The following RMP24 variants were observed in gnomAD, a reference collection of about 807,000 sequenced individuals.
RMP24 encodes ribonuclease MRP protein subunit p24.
At chr18:35,978,519 G>A in the RMP24 span, among the ~76,000 whole-genome samples, 1 of 152,216 alleles carries the variant, frequency 6.6e-6, no homozygotes, top group Non-Finnish European at 1.5e-5. Flanking sequence ...GCTGAGGCGG[G>A]AGAACTGCTT....
At chr18:35,978,429 G>A in the RMP24 span, among the ~76,000 whole-genome samples, 6 of 152,120 alleles carry the variant, frequency 3.9e-5, no homozygotes, top group African/African-American at 1.4e-4. Context: ...TGTGCAACAC[G>A]GTGAAATCCC....
At chr18:35,973,039 T>C in the RMP24 span, 1 of 1,251,134 alleles carries the variant, frequency 8.0e-7, no homozygotes, top group Non-Finnish European at 1.1e-6. Flanking sequence ...CCCGCATGTG[T>C]CTCGGTTTCG....
the RMP24 span, among the ~76,000 whole-genome samples, chr18:35,978,570 C>G: frequency 1.3e-5 from 2 of 152,110 alleles, no homozygotes; most frequent in African/African-American, 4.8e-5. Context: ...GAGATGGCGC[C>G]ACTGCACTCC....
the RMP24 span, chr18:35,974,817 C>A: frequency 7.8e-7 from 1 of 1,289,584 alleles, no homozygotes; most frequent in Non-Finnish European, 1.1e-6. Flanking sequence ...TTTCAATATA[C>A]TTTTTATAAA....
chr18:35,979,110 C>T, the RMP24 span: 15 of 1,163,020 alleles, frequency 1.3e-5, no homozygotes, highest in Non-Finnish European at 1.8e-5. Context: ...GCAAACTTTT[C>T]TTGGCATCCT....
At chr18:35,972,890 C>T in the RMP24 span, 8 of 1,614,152 alleles carry the variant, frequency 5.0e-6, no homozygotes, top group Middle Eastern at 1.6e-4. Flanking sequence ...TACAGCTGGG[C>T]CTACACTTCG....
At chr18:35,978,809 C>CT in the RMP24 span, 2 of 1,555,344 alleles carry the variant, frequency 1.3e-6, no homozygotes, top group African/African-American at 1.4e-5. Flanking sequence ...GTTGGTATAA[C>CT]TAAGTGTGGT....
At chr18:35,974,886 A>G in the RMP24 span, 3 of 1,604,890 alleles carry the variant, frequency 1.9e-6, no homozygotes, top group Admixed American at 1.7e-5. Flanking sequence ...TTTCATTTGT[A>G]TAATTTTAGA....
chr18:35,975,724 A>G, the RMP24 span, among the ~76,000 whole-genome samples: 2 of 152,222 alleles, frequency 1.3e-5, no homozygotes, highest in African/African-American at 2.4e-5. Flanking sequence ...ACATTTATCA[A>G]CTGTTCAAGT....
chr18:35,972,686 C>T, the RMP24 span: 1 of 1,568,284 alleles, frequency 6.4e-7, no homozygotes, highest in Admixed American at 1.9e-5. Context: ...GCCCTATTTT[C>T]TCACCTGGTT....
the RMP24 span, chr18:35,972,791 A>G: frequency 6.2e-7 from 1 of 1,614,158 alleles, no homozygotes; most frequent in Non-Finnish European, 8.5e-7. Flanking sequence ...GCCCGGGCCA[A>G]GCCCGCTACC....
At chr18:35,972,913 A>G in the RMP24 span, 5 of 1,614,002 alleles carry the variant, frequency 3.1e-6, no homozygotes, top group Admixed American at 8.3e-5. Flanking sequence ...GCACGGTAAG[A>G]AGAACGCCTG....
chr18:35,972,989 G>A, the RMP24 span: 2 of 1,558,226 alleles, frequency 1.3e-6, no homozygotes, highest in South Asian at 2.2e-5. Flanking sequence ...AAATAAGGCC[G>A]ATGGACTCAC....
At chr18:35,975,168 T>A in the RMP24 span, 1 of 1,257,622 alleles carries the variant, frequency 8.0e-7, no homozygotes, top group South Asian at 1.4e-5. Context: ...AGTTTAAGAA[T>A]CAGCCTCAGT....
chr18:35,979,075 G>T, the RMP24 span: 3 of 1,408,906 alleles, frequency 2.1e-6, no homozygotes, highest in Non-Finnish European at 2.9e-6. Context: ...TTCATTTTTT[G>T]AATACATGGA....
the RMP24 span, chr18:35,977,481 G>A: frequency 1.2e-6 from 2 of 1,614,116 alleles, no homozygotes; most frequent in South Asian, 1.1e-5. Context: ...TGTCAACATT[G>A]AAGAGCAATC....
the RMP24 span, among the ~76,000 whole-genome samples, chr18:35,974,444 TG>T: frequency 6.6e-6 from 1 of 152,244 alleles, no homozygotes; most frequent in Non-Finnish European, 1.5e-5. Context: ...GCTTTATAAG[TG>T]CTGTTGCATC....
the RMP24 span, among the ~76,000 whole-genome samples, chr18:35,978,669 T>C: frequency 1.3e-5 from 2 of 152,242 alleles, no homozygotes; most frequent in African/African-American, 4.8e-5. Flanking sequence ...CATTTGTTCT[T>C]GCCCTTTTCT....
At chr18:35,975,419 A>AT in the RMP24 span, among the ~76,000 whole-genome samples, 1 of 152,122 alleles carries the variant, frequency 6.6e-6, no homozygotes, top group Non-Finnish European at 1.5e-5. Flanking sequence ...CCACTACATT[A>AT]TTTTTTCAGT....
Sources: allele counts gnomAD v4.1 joint callset (sites outside exome capture counted in the v4.1 genomes callset), GRCh38; gene constraint gnomAD v4.1.1; transcripts MANE v1.5; gene names NCBI Gene and HGNC (gene_info 2026-07-23, HGNC 2026-07-21).